SMARCA1: variants seen among roughly 807,000 people sequenced by gnomAD.
SMARCA1 encodes SWI/SNF-related matrix-associated actin-dependent regulator of chromatin subfamily A member 1.
Under a neutral mutation model 93.6 loss-of-function variants are expected in SMARCA1, and 17 were observed. That is an observed-to-expected ratio of 0.18 (90% CI 0.12 to 0.27). SMARCA1 has a LOEUF of 0.27. Ranked by LOEUF, SMARCA1 falls within the 10% of genes least tolerant of loss-of-function variation. The probability of loss-of-function intolerance (pLI) is 1.00; values close to 1 mark genes in which losing one functional copy is unlikely to be tolerated. For missense variants in SMARCA1, 630 were observed against 819.0 expected (o/e 0.77, Z 2.82); for synonymous variants, 271 against 271.4 (o/e 1.00, Z 0.01).
At chrX:129,511,149 T>C (rs1281439482) in intron 6 of SMARCA1, among the ~76,000 whole-genome samples, 2 of 111,638 alleles carry the variant, frequency 1.8e-5, no homozygotes, top group African/African-American at 6.5e-5. Flanking sequence ...TTAGATTAAT[T>C]CTACAGTCCT....
chrX:129,457,530 CAG>C (rs1369473265), intron 23 of SMARCA1, among the ~76,000 whole-genome samples: 2 of 112,072 alleles, frequency 1.8e-5, no homozygotes, highest in African/African-American at 6.5e-5. Flanking sequence ...TTTCTTGACA[CAG>C]AGTTCATAAA....
At chrX:129,498,463 C>A (rs974116835) in intron 10 of SMARCA1, among the ~76,000 whole-genome samples, 9 of 111,405 alleles carry the variant, frequency 8.1e-5, no homozygotes, top group African/African-American at 2.9e-4. Context: ...ATTTTTCATT[C>A]TCTTTTCTAC....
At chrX:129,463,553 C>G (rs1358898952) in intron 23 of SMARCA1, among the ~76,000 whole-genome samples, 1 of 112,188 alleles carries the variant, frequency 8.9e-6, no homozygotes, top group Non-Finnish European at 1.9e-5. Context: ...CTTTTTTATT[C>G]TTTTCTTAAT....
intron 1 of SMARCA1, among the ~76,000 whole-genome samples, chrX:129,521,851 C>T (rs1187548338): frequency 2.7e-5 from 3 of 112,396 alleles, no homozygotes; most frequent in Non-Finnish European, 3.8e-5. Context: ...CTACAATTGT[C>T]CTTCTGTTTA....
chrX:129,453,625 A>C (rs1259474785), intron 23 of SMARCA1, among the ~76,000 whole-genome samples: 2 of 111,841 alleles, frequency 1.8e-5, no homozygotes, highest in Admixed American at 9.5e-5. Context: ...ATGTGCAAAA[A>C]TCACAAGCAT....
chrX:129,453,993 A>G (rs959747035), intron 23 of SMARCA1, among the ~76,000 whole-genome samples: 1 of 111,938 alleles, frequency 8.9e-6, no homozygotes, highest in African/African-American at 3.2e-5. Context: ...AGACAATCCT[A>G]AACAAAAAGA....
At chrX:129,498,377 T>A (rs1934417177) in intron 10 of SMARCA1, among the ~76,000 whole-genome samples, 1 of 112,040 alleles carries the variant, frequency 8.9e-6, no homozygotes, top group Admixed American at 9.5e-5. Context: ...CATCCAACAT[T>A]TACTTGTTTG....
chrX:129,463,812 C>T (rs957720010), intron 23 of SMARCA1, among the ~76,000 whole-genome samples: 4 of 110,461 alleles, frequency 3.6e-5, no homozygotes, highest in Non-Finnish European at 5.7e-5. Context: ...GTGCAGGTGC[C>T]TGTAATACCA....
chrX:129,501,323 T>A (rs1483709522), intron 9 of SMARCA1, among the ~76,000 whole-genome samples: 4 of 108,317 alleles, frequency 3.7e-5, no homozygotes, highest in Non-Finnish European at 7.7e-5. Context: ...TGAGACAGAG[T>A]CTCGCTCTGT....
intron 6 of SMARCA1, among the ~76,000 whole-genome samples, chrX:129,511,136 T>G (rs1935004959): frequency 8.9e-6 from 1 of 111,748 alleles, no homozygotes; most frequent in Non-Finnish European, 1.9e-5. Context: ...TAATATATTA[T>G]TTTTAGATTA....
At chrX:129,465,230 A>G (rs1256343142) in intron 23 of SMARCA1, among the ~76,000 whole-genome samples, 2 of 111,578 alleles carry the variant, frequency 1.8e-5, no homozygotes, top group African/African-American at 6.5e-5. Context: ...GAACACTCAC[A>G]TTGTCTGTAA....
At chrX:129,504,829 G>A in intron 8 of SMARCA1, 27 bp from the exon 9 acceptor site, 2 of 994,331 alleles carry the variant, frequency 2.0e-6, no homozygotes, top group Middle Eastern at 2.7e-4. Flanking sequence ...ATTCTCCAAT[G>A]AGTGCACAGT....
chrX:129,511,881 G>A lies in SMARCA1; in HGVS notation c.733C>T (p.His245Tyr). 8.3e-7 allele frequency: 1 copy of A among 1,204,837 alleles called. No homozygotes were observed. The highest frequency in any genetic ancestry group is 1.1e-6 in the Non-Finnish European group (1 of 889,630). Residue 245 changes from histidine to tyrosine, a missense_variant, in exon 6 of 25, where the codon CAC becomes TAC. By Grantham distance (83) the His-to-Tyr change is moderately conservative (BLOSUM62 2). This residue lies in a region of SMARCA1 where 382 missense variants were observed against 537.9 expected (regional missense o/e 0.71). Coordinates refer to ENST00000371121, the MANE Select transcript of SMARCA1 (RefSeq NM_001282874.2). ...CGTTTAAATTCATTCATCCAGTTGT[G>A]TAAAGTAGACTTTGGAACTAAAACC... ...HMVLVPKSTL[H>Y]NWMNEFKRWV...
At chrX:129,502,335 CAAAG>C (rs1163920922) in intron 9 of SMARCA1, among the ~76,000 whole-genome samples, 1 of 110,849 alleles carries the variant, frequency 9.0e-6, no homozygotes, top group Non-Finnish European at 1.9e-5. Context: ...AAGAGACAGT[CAAAG>C]AAAGAAAAGC....
At chrX:129,510,021 C>G (rs1264799212) in intron 6 of SMARCA1, among the ~76,000 whole-genome samples, 5 of 112,472 alleles carry the variant, frequency 4.4e-5, no homozygotes, top group African/African-American at 1.6e-4. Flanking sequence ...TCAAATCTGT[C>G]TATATGTAAT....
chrX:129,487,754 A>C (rs770189901), intron 16 of SMARCA1, among the ~76,000 whole-genome samples: 5 of 112,367 alleles, frequency 4.4e-5, no homozygotes, highest in African/African-American at 6.5e-5. Flanking sequence ...AATCTCAACC[A>C]TGGCAATTTG....
intron 17 of SMARCA1, 94 bp from the exon 18 acceptor site, chrX:129,481,279 C>A: frequency 3.8e-6 from 2 of 530,337 alleles, no homozygotes; most frequent in Non-Finnish European, 3.1e-6. Context: ...CATAAGGAAG[C>A]AAAAGCCATC....
At chrX:129,453,187 T>C (rs915757494) in intron 23 of SMARCA1, among the ~76,000 whole-genome samples, 1 of 111,618 alleles carries the variant, frequency 9.0e-6, no homozygotes, top group African/African-American at 3.3e-5. Flanking sequence ...GGCCCCTAGG[T>C]GTTCAAATAA....
At chrX:129,459,612 T>C (rs1200732289) in intron 23 of SMARCA1, among the ~76,000 whole-genome samples, 3 of 111,853 alleles carry the variant, frequency 2.7e-5, no homozygotes, top group Non-Finnish European at 5.6e-5. Flanking sequence ...TTCAAGCTTA[T>C]GAATAAATAA....
Sources: allele counts gnomAD v4.1 joint callset (sites outside exome capture counted in the v4.1 genomes callset), GRCh38; gene constraint gnomAD v4.1.1; regional missense constraint gnomAD v4.1.1; transcripts MANE v1.5; gene names NCBI Gene and HGNC (gene_info 2026-07-23, HGNC 2026-07-21).